Variants in NRG3 observed in about 807,000 individuals in gnomAD.
The protein encoded by NRG3 is neuregulin 3.
Under a neutral mutation model 66.9 loss-of-function variants are expected in NRG3, and 31 were observed. That is an observed-to-expected ratio of 0.46 (90% confidence interval 0.35 to 0.63). The LOEUF (loss-of-function observed/expected upper bound fraction) is 0.63, where lower values mean the gene tolerates loss of function less well. NRG3 is among the 20% of genes least tolerant of loss of function. The pLI is 0.00. For missense variants in NRG3, 910 were observed against 878.9 expected, an observed-to-expected ratio of 1.04 and a Z score of -0.45; for synonymous variants, 393 against 359.4, an observed-to-expected ratio of 1.09 and a Z score of -1.06.
chr10:82,669,278 A>ATAATAATAATAT, intron 2 of NRG3, among the ~76,000 whole-genome samples: 1 of 149,458 alleles, frequency 6.7e-6, no homozygotes, highest in Non-Finnish European at 1.5e-5. Flanking sequence ...AATAATAATA[A>ATAATAATAATAT]TAATAATAAT....
chr10:82,544,973 T>A (rs1045030857), intron 2 of NRG3, among the ~76,000 whole-genome samples: 1 of 152,184 alleles, frequency 6.6e-6, no homozygotes, highest in Non-Finnish European at 1.5e-5. Flanking sequence ...AGGACTGTAT[T>A]TCAGAAATAA....
chr10:81,932,247 G>GGAGAGA (rs141650195), intron 1 of NRG3, among the ~76,000 whole-genome samples: 2 of 149,552 alleles, frequency 1.3e-5, no homozygotes, highest in African/African-American at 4.9e-5. Context: ...AGGAGAGAGA[G>GGAGAGA]GAGAGAGAGA....
intron 2 of NRG3, among the ~76,000 whole-genome samples, chr10:82,449,724 G>A (rs1345581577): frequency 1.3e-5 from 2 of 152,088 alleles, no homozygotes; most frequent in Non-Finnish European, 2.9e-5. Flanking sequence ...ATGTGTGGTC[G>A]CAGGCTGTCA....
chr10:82,845,105 A>C (rs1343844743), intron 3 of NRG3, among the ~76,000 whole-genome samples: 3 of 152,336 alleles, frequency 2.0e-5, no homozygotes, highest in East Asian at 3.9e-4. Context: ...CAGTGAGCTG[A>C]GATCACACCA....
chr10:82,302,099 A>G (rs779453094), intron 1 of NRG3, among the ~76,000 whole-genome samples: 3 of 150,054 alleles, frequency 2.0e-5, no homozygotes, highest in African/African-American at 7.4e-5. Context: ...TCAAAATACT[A>G]TTTTTATTTT....
At chr10:82,984,906 C>T in intron 8 of NRG3, 192 bp from the exon 9 acceptor site, 1 of 1,319,250 alleles carries the variant, frequency 7.6e-7, no homozygotes, top group Non-Finnish European at 1.1e-6. Flanking sequence ...TCTGTGTGAC[C>T]TTGGGCAAGT....
At chr10:82,805,657 G>A (rs1159830192) in intron 3 of NRG3, among the ~76,000 whole-genome samples, 3 of 152,186 alleles carry the variant, frequency 2.0e-5, no homozygotes, top group Admixed American at 1.3e-4. Context: ...TGAGTTAAGA[G>A]GCTGATGTAT....
At chr10:82,587,642 C>A (rs2046750499) in intron 2 of NRG3, among the ~76,000 whole-genome samples, 1 of 152,158 alleles carries the variant, frequency 6.6e-6, no homozygotes, top group Non-Finnish European at 1.5e-5. Flanking sequence ...ATGAATGGAA[C>A]AACTAGCTTC....
intron 1 of NRG3, among the ~76,000 whole-genome samples, chr10:82,159,142 G>A (rs1050504521): frequency 6.6e-6 from 1 of 151,870 alleles, no homozygotes; most frequent in African/African-American, 2.4e-5. Context: ...GCAAGTTACA[G>A]ATTAGGTGCA....
intron 2 of NRG3, among the ~76,000 whole-genome samples, chr10:82,419,059 A>G (rs1236615962): frequency 6.6e-6 from 1 of 152,160 alleles, no homozygotes; most frequent in Non-Finnish European, 1.5e-5. Context: ...ACTTAACCCT[A>G]CAGGGATAAA....
chr10:81,897,851 A>G (rs927879676), intron 1 of NRG3, among the ~76,000 whole-genome samples: 3 of 152,208 alleles, frequency 2.0e-5, no homozygotes, highest in African/African-American at 7.2e-5. Context: ...GGGAAGTGAC[A>G]GGGAAATTCT....
intron 1 of NRG3, among the ~76,000 whole-genome samples, chr10:82,357,823 A>G (rs2083880796): frequency 6.6e-6 from 1 of 152,236 alleles, no homozygotes; most frequent in African/African-American, 2.4e-5. Flanking sequence ...ATAATATCCC[A>G]TGCTTGAATA....
intron 2 of NRG3, among the ~76,000 whole-genome samples, chr10:82,470,158 C>T (rs1841112804): frequency 6.6e-6 from 1 of 152,156 alleles, no homozygotes; most frequent in Admixed American, 6.5e-5. Context: ...AAAAGAAGGG[C>T]TTTGGGTTTC....
In NRG3 at chr10:82,787,613, G is replaced by A. The variant is rs367945040; in HGVS notation, c.1027+48963G>A. On this transcript the variant is annotated intron_variant, in intron 3 of 8. Coordinates refer to ENST00000372141, the MANE Select transcript of NRG3 (RefSeq NM_001010848.4). ...TGAACAGATCCCCGTCCCCATGGGC[G>A]TTATCCATCTGTGCCTTCAAATCCA... 1.3e-4 allele frequency among the ~76,000 whole-genome samples: 20 copies of A among 152,258 alleles called. No homozygotes were observed. The East Asian group carries it at 1.5e-3, about 12-fold the overall frequency.
intron 1 of NRG3, among the ~76,000 whole-genome samples, chr10:82,038,871 C>A (rs964912766): frequency 6.6e-6 from 1 of 151,994 alleles, no homozygotes; most frequent in African/African-American, 2.4e-5. Flanking sequence ...TTGAGCACTC[C>A]ACTTGTCCTC....
intron 2 of NRG3, among the ~76,000 whole-genome samples, chr10:82,629,651 C>T (rs1057492957): frequency 2.0e-5 from 3 of 152,162 alleles, no homozygotes; most frequent in Non-Finnish European, 4.4e-5. Context: ...GTTAAAAATT[C>T]CTTGAGCAAC....
intron 2 of NRG3, among the ~76,000 whole-genome samples, chr10:82,714,071 A>T (rs1316643198): frequency 1.3e-5 from 2 of 152,220 alleles, no homozygotes; most frequent in Non-Finnish European, 2.9e-5. Context: ...TTAACTTATG[A>T]TAACAATCCA....
chr10:82,766,672 C>T (rs2059525144), intron 3 of NRG3, among the ~76,000 whole-genome samples: 1 of 151,910 alleles, frequency 6.6e-6, no homozygotes, highest in Non-Finnish European at 1.5e-5. Context: ...TCTTCTTCAT[C>T]CCAGAATAAA....
intron 1 of NRG3, among the ~76,000 whole-genome samples, chr10:82,147,557 A>G (rs1170057972): frequency 6.6e-6 from 1 of 152,126 alleles, no homozygotes; most frequent in Non-Finnish European, 1.5e-5. Context: ...GCTGATGGCA[A>G]TCTCTACTTC....
Sources: allele counts gnomAD v4.1 joint callset (sites outside exome capture counted in the v4.1 genomes callset), GRCh38; gene constraint gnomAD v4.1.1; transcripts MANE v1.5; gene names NCBI Gene and HGNC (gene_info 2026-07-23, HGNC 2026-07-21).